SHANK1: variants seen among roughly 807,000 people sequenced by gnomAD.
SHANK1 encodes SH3 and multiple ankyrin repeat domains protein 1.
Under a neutral mutation model 165.6 loss-of-function variants are expected in SHANK1, and 35 were observed. The ratio of observed to expected loss-of-function variants is 0.21; its 90% CI spans 0.16 to 0.28. The LOEUF is 0.28. Among genes scored for constraint, SHANK1 ranks in the 10% least tolerant of loss-of-function variants. The pLI is 1.00. For missense variants in SHANK1, 2,681 were observed against 3,036.4 expected (o/e 0.88, Z 2.75); for synonymous variants, 1,428 against 1,384.8 (o/e 1.03, Z -0.69).
Position 50,719,656 on chromosome 19 carries a change from C to T in SHANK1, c.-294G>A, listed in dbSNP as rs1183375034. Among the ~76,000 whole-genome samples, 2 of 149,488 alleles carry T rather than the reference C, an allele frequency of 1.3e-5. No individual in the cohort carries two copies. The highest frequency in any genetic ancestry group is 4.9e-5 in the African/African-American group (2 of 40,984). On this transcript the variant is annotated 5_prime_UTR_variant, in exon 1 of 24. Transcript: ENST00000293441. ...CTTCCGCCGCGGCCGCCGCGCCCCT[C>T]CTCGCCCGCCCCCGGCTCGGTCCGG...
chr19:50,715,847 G>A (rs2089063166), intron 3 of SHANK1, 117 bp from the exon 4 acceptor site: 1 of 1,019,830 alleles, frequency 9.8e-7, no homozygotes, highest in Admixed American at 1.8e-5. Context: ...GGTAGCTCAG[G>A]GTGGGAGTGA....
rs1599875729 is a variant in SHANK1 at position 50,716,582 on chromosome 19, G to A, written c.255+83C>T. The A allele has an allele frequency of 6.4e-7, 1 of 1,558,182 alleles. No individual in the cohort carries two copies. The highest frequency in any genetic ancestry group is 8.7e-7 in the Non-Finnish European group (1 of 1,147,012). On this transcript the variant is annotated intron_variant, in intron 2 of 23. Coordinates refer to ENST00000293441, the MANE Select transcript of SHANK1 (RefSeq NM_016148.5). This position sits in a 1 kb window ranked among gnomAD's most constrained non-coding sequence, Gnocchi z 8.4. ...AGCTGAGTGTGGGGGTGATTCCTGGGAGGATACCCAGCACCAGTGGACTCC... is the reference window on the plus strand; with the variant it reads ...AGCTGAGTGTGGGGGTGATTCCTGGAAGGATACCCAGCACCAGTGGACTCC...
At chr19:50,710,390 A>G (rs2088993673) in intron 8 of SHANK1, among the ~76,000 whole-genome samples, 1 of 152,212 alleles carries the variant, frequency 6.6e-6, no homozygotes, top group African/African-American at 2.4e-5. Flanking sequence ...GGGGGCTGAC[A>G]GACCAGCTCT....
In SHANK1 at chr19:50,718,500, C is replaced by T. The variant is rs1394158049; in HGVS notation, c.-44+906G>A. ...CCCAGCCCCCCCGGGCCGGCTCCGG[C>T]CCCTCCCCCTCAGGGCTCGCGGGAG... On this transcript the variant is annotated intron_variant, in intron 1 of 23. Transcript: ENST00000293441. This position sits in a 1 kb window ranked among gnomAD's most constrained non-coding sequence, Gnocchi z 5.1. Among the ~76,000 whole-genome samples the T allele has an allele frequency of 6.6e-6, 1 of 152,174 alleles. No homozygotes were observed. Among genetic ancestry groups the T allele is most frequent in the African/African-American group, 2.4e-5 (1 of 41,446 alleles).
At chr19:50,674,927 C>T (rs1367489919) in intron 21 of SHANK1, among the ~76,000 whole-genome samples, 2 of 151,862 alleles carry the variant, frequency 1.3e-5, no homozygotes, top group Middle Eastern at 3.4e-3. Flanking sequence ...CTGGGAGTGG[C>T]GGCATGTACC....
At chr19:50,704,359 C>T (rs2088912038) in intron 9 of SHANK1, 78 bp downstream of exon 9, 1 of 1,415,076 alleles carries the variant, frequency 7.1e-7, no homozygotes, top group Non-Finnish European at 1.0e-6. Context: ...CTCATTGTCC[C>T]CTTCCTTATC....
chr19:50,708,885 G>C (rs1051993145), intron 8 of SHANK1, among the ~76,000 whole-genome samples: 3 of 152,142 alleles, frequency 2.0e-5, no homozygotes, highest in African/African-American at 7.2e-5. Flanking sequence ...CCACCCTTGA[G>C]GTGCTCACAG....
At chr19:50,663,562 C>T (rs557181728) in intron 23 of SHANK1, among the ~76,000 whole-genome samples, 23 of 152,070 alleles carry the variant, frequency 1.5e-4, no homozygotes, top group Admixed American at 7.2e-4. Context: ...GTTTACTGCC[C>T]CGCCCCCACT....
chr19:50,704,582 G>T, intron 8 of SHANK1, 68 bp from the exon 9 acceptor site: 1 of 1,382,358 alleles, frequency 7.2e-7, no homozygotes, highest in Non-Finnish European at 1.0e-6. Flanking sequence ...ATGAGTGGAT[G>T]CAGGTTCTGT....
chr19:50,716,717 G>A lies in SHANK1; in HGVS notation c.203C>T (p.Ala68Val). Residue 68 changes from alanine (A) to valine (V), a missense_variant, in exon 2 of 24, where the codon GCC (alanine) becomes GTC (valine). Physicochemically the swap from Ala to Val is moderately conservative, Grantham distance 64. Coordinates refer to ENST00000293441, the MANE Select transcript of SHANK1 (RefSeq NM_016148.5). This position sits in a 1 kb window ranked among gnomAD's most constrained non-coding sequence, Gnocchi z 8.4. ...QGRSMSVPDD[A>V]HFSMMVFRIG... The stretch of plus-strand genomic sequence containing the variant: ...CCTGAAGACCATCATGCTGAAGTGG[G>A]CGTCGTCTGGGACGGACATTGAGCG... 6.2e-7 allele frequency: 1 copy of A among 1,602,922 alleles called. No individual in the cohort carries two copies. Among genetic ancestry groups the A allele is most frequent in the Non-Finnish European group, 8.5e-7 (1 of 1,174,906 alleles).
rs1239722854 is a variant in SHANK1, at chr19:50,660,048, G to A, written c.*1917C>T. Among the ~76,000 whole-genome samples, 1 of 151,218 alleles carries A rather than the reference G, an allele frequency of 6.6e-6. No individual in the cohort carries two copies. The highest frequency in any genetic ancestry group is 1.5e-5 in the Non-Finnish European group (1 of 67,648). ...TGGACGGAGCGCCCCCCCCTCTCGG[G>A]GGTAGGGGGCAGCAGAGGGGGAATG... On this transcript the variant is annotated 3_prime_UTR_variant, in exon 24 of 24. Transcript: ENST00000293441.
Position 50,686,693 on chromosome 19 carries a change from G to GA in SHANK1, c.2458+50_2458+51insT. On this transcript the variant is annotated intron_variant, in intron 20 of 23. Transcript: ENST00000293441. This position sits in a 1 kb window ranked among gnomAD's most constrained non-coding sequence, Gnocchi z 5.7. ...TCATGGTGGGACAGGGATGCAGCGG[G>GA]TGCCGGGGCTGGGGCCCGGCATCCC... 3 of 1,543,672 alleles carry GA rather than the reference G, an allele frequency of 1.9e-6. No individual in the cohort carries two copies. Among genetic ancestry groups the GA allele is most frequent in the Non-Finnish European group, 2.7e-6 (3 of 1,118,692 alleles).
At position 50,666,712 on chromosome 19, in the gene SHANK1, G is replaced by T; in HGVS notation, c.5248C>A (p.Gln1750Lys). Residue 1750 changes from glutamine (Q) to lysine (K), a missense_variant, in exon 23 of 24, where the codon CAG (glutamine) becomes AAG (lysine). Coordinates refer to ENST00000293441, the MANE Select transcript of SHANK1 (RefSeq NM_016148.5). ...SSTPGPPYPP[Q>K]LMTPSKLRGR... The stretch of plus-strand genomic sequence containing the variant: ...CGGAGCTTAGAGGGAGTCATGAGCT[G>T]AGGAGGGTATGGCGGGCCGGGAGTA... 6.3e-7 allele frequency: 1 copy of T among 1,583,144 alleles called. No homozygotes were observed.
In SHANK1 at chr19:50,660,945, G is replaced by C. The variant is rs376782463; in HGVS notation, c.*1020C>G. Among the ~76,000 whole-genome samples the C allele has an allele frequency of 4.6e-5, 7 of 151,132 alleles. No individual in the cohort carries two copies. The East Asian group carries it at 9.7e-4, about 21-fold the overall frequency. ...AAAGGGGCAAGAGGGAAGGCGGGGG[G>C]TGGGGGGCTAGGAGTGTCATGGTGA... On this transcript the variant is annotated 3_prime_UTR_variant, in exon 24 of 24. Transcript: ENST00000293441.
chr19:50,688,940 G>C lies in SHANK1; in HGVS notation c.2076C>G (p.Pro692=). The change falls in exon 17 of 24, where the codon CCC becomes CCG. Residue 692 remains proline, a synonymous_variant. Transcript: ENST00000293441. The surrounding 1 kb of genome is among the most constrained non-coding windows in gnomAD (Gnocchi z 6.7). ...ACTGCAGCGCCGGGAAGGCCGGGGT[G>C]GGGGTGAACTCCTCGATGGGGGTCT... ...KAQTPIEEFT[P]TPAFPALQYL... The C allele has an allele frequency of 6.4e-7, 1 of 1,555,310 alleles. No homozygotes were observed. Among genetic ancestry groups the C allele is most frequent in the Admixed American group, 1.9e-5 (1 of 51,654 alleles).
In SHANK1 at chr19:50,686,693, G is replaced by A; in HGVS notation, c.2458+51C>T. ...TCATGGTGGGACAGGGATGCAGCGG[G>A]TGCCGGGGCTGGGGCCCGGCATCCC... On this transcript the variant is annotated intron_variant, in intron 20 of 23. Transcript: ENST00000293441. The surrounding 1 kb of genome is among the most constrained non-coding windows in gnomAD (Gnocchi z 5.7). The A allele has an allele frequency of 6.5e-7, 1 of 1,543,670 alleles. No homozygotes were observed. The highest frequency in any genetic ancestry group is 8.9e-7 in the Non-Finnish European group (1 of 1,118,690).
intron 12 of SHANK1, among the ~76,000 whole-genome samples, chr19:50,701,193 CTTT>C (rs34951143): frequency 1.3e-4 from 13 of 101,088 alleles, no homozygotes; most frequent in Admixed American, 2.1e-4. Flanking sequence ...AAAATGATGG[CTTT>C]TTTTTTTTTT....
In SHANK1 at chr19:50,697,487, A is replaced by T; in HGVS notation, c.1937+102T>A. On this transcript the variant is annotated intron_variant, in intron 14 of 23. Coordinates refer to ENST00000293441, the MANE Select transcript of SHANK1 (RefSeq NM_016148.5). The surrounding 1 kb of genome is among the most constrained non-coding windows in gnomAD (Gnocchi z 4.7). ...CCCTGGATCAAACTTGAGAAGGAAC[A>T]GATTAGAAAGGGGGCTTAGAGGTGA... is the stretch of plus-strand genomic sequence containing the variant. The T allele has an allele frequency of 2.0e-6, 2 of 980,652 alleles. No individual in the cohort carries two copies. The highest frequency in any genetic ancestry group is 3.3e-6 in the Non-Finnish European group (2 of 607,670). 60.7% of individuals were successfully genotyped at this position (980,652 alleles called of 1,614,324 possible). A position where few individuals can be genotyped will look rare whatever the true frequency, so the allele number is the denominator to read the frequency against.
chr19:50,662,770 G>A lies in SHANK1; in HGVS notation c.5769-88C>T. 7.3e-7 allele frequency: 1 copy of A among 1,365,584 alleles called. No homozygotes were observed. Among genetic ancestry groups the A allele is most frequent in the Non-Finnish European group, 1.0e-6 (1 of 987,758 alleles). 84.6% of individuals were successfully genotyped at this position (1,365,584 alleles called of 1,614,324 possible). On this transcript the variant is annotated intron_variant, in intron 23 of 23. Transcript: ENST00000293441. This position sits in a 1 kb window ranked among gnomAD's most constrained non-coding sequence, Gnocchi z 7.7. ...GAAAGAGGCAGAGGTCAAGATATAG[G>A]GAGAGAGGAGGAGAGACATAAGGGT... is the stretch of plus-strand genomic sequence containing the variant.
Sources: gnomAD v4.1 joint callset for allele counts (sites outside exome capture counted in the v4.1 genomes callset) on GRCh38, gnomAD v4.1.1 for gene constraint, Gnocchi (gnomAD v3.1) non-coding constraint, MANE v1.5 for transcripts, NCBI Gene and HGNC (gene_info 2026-07-23, HGNC 2026-07-21) for gene names.